Variants in DOCK1 observed in about 807,000 individuals in gnomAD.
DOCK1 encodes dedicator of cytokinesis 1.
A neutral mutation model predicts 262.7 loss-of-function variants in DOCK1; 138 were observed. The observed-to-expected ratio is 0.53, with a 90% confidence interval of 0.46 to 0.61. The LOEUF (loss-of-function observed/expected upper bound fraction) is 0.61, where lower values mean the gene tolerates loss of function less well. DOCK1 is among the 20% of genes least tolerant of loss of function. DOCK1 has a pLI of 0.00. For synonymous variants in DOCK1, 866 were observed against 867.4 expected, an observed-to-expected ratio of 1.00 and a Z score of 0.03; for missense variants, 1,908 against 2,370.7, an observed-to-expected ratio of 0.80 and a Z score of 4.05.
At chr10:127,200,150 A>G (rs1792646415) in intron 27 of DOCK1, among the ~76,000 whole-genome samples, 4 of 152,190 alleles carry the variant, frequency 2.6e-5, no homozygotes, top group Admixed American at 2.6e-4. Context: ...CCAGATCCCA[A>G]GAGAGGGTTC....
At chr10:127,217,003 T>C (rs752053384) in intron 27 of DOCK1, among the ~76,000 whole-genome samples, 3 of 152,174 alleles carry the variant, frequency 2.0e-5, no homozygotes, top group Admixed American at 6.5e-5. Context: ...GAGCCCTTGC[T>C]TTTTAGTTTC....
At chr10:127,362,861 C>T (rs1474068297) in intron 33 of DOCK1, among the ~76,000 whole-genome samples, 2 of 60,902 alleles carry the variant, frequency 3.3e-5, no homozygotes, top group African/African-American at 1.6e-4. Context: ...ACATGTACAT[C>T]CCCACACACA....
At chr10:127,210,518 C>A (rs575159766) in intron 27 of DOCK1, among the ~76,000 whole-genome samples, 2 of 152,330 alleles carry the variant, frequency 1.3e-5, no homozygotes, top group South Asian at 4.1e-4. Context: ...AGGAAATGCA[C>A]GTCTACCAGG....
At chr10:127,211,693 C>T (rs1211136152) in intron 27 of DOCK1, among the ~76,000 whole-genome samples, 1 of 152,142 alleles carries the variant, frequency 6.6e-6, no homozygotes, top group South Asian at 2.1e-4. Flanking sequence ...TTTTTCTAAA[C>T]ATACTGAAAA....
At chr10:127,238,143 G>A (rs534872421) in intron 27 of DOCK1, among the ~76,000 whole-genome samples, 70 of 152,260 alleles carry the variant, frequency 4.6e-4, no homozygotes, top group Non-Finnish European at 5.1e-4. Context: ...AATGATTCCC[G>A]AATAGAATGT....
intron 38 of DOCK1, among the ~76,000 whole-genome samples, chr10:127,401,424 A>G (rs1174405601): frequency 1.3e-5 from 2 of 152,216 alleles, no homozygotes; most frequent in Non-Finnish European, 2.9e-5. Flanking sequence ...ATGAAAAGAA[A>G]GTACACTTGG....
chr10:126,947,101 G>A (rs1338140192), intron 1 of DOCK1, among the ~76,000 whole-genome samples: 1 of 152,210 alleles, frequency 6.6e-6, no homozygotes. Context: ...CTCAGTCTTT[G>A]CGTGCAGAAA....
At chr10:127,257,250 G>T in intron 28 of DOCK1, 85 bp from the exon 29 acceptor site, 2 of 1,072,112 alleles carry the variant, frequency 1.9e-6, no homozygotes, top group Non-Finnish European at 1.4e-6. Context: ...TTAAAATGGG[G>T]TATTTTATAA....
At position 127,444,373 on chromosome 10, in the gene DOCK1, C is replaced by CT. The variant is rs1291623626; in HGVS notation, c.5413+96dup. 6 of 1,409,400 alleles carry CT rather than the reference C, an allele frequency of 4.3e-6. No homozygotes were observed. The Admixed American group carries it at 1.6e-4, about 38-fold the overall frequency. The allele number at this position is 1,409,400 out of a possible 1,614,324, so 87.3% of individuals were successfully genotyped here. A position where few individuals can be genotyped will look rare whatever the true frequency, so the allele number is the denominator to read the frequency against. ...AGGTTAGAAGCGCTTCCTCCCTCCC[C>CT]TTGCAGCAGAGGGTGGGAGTTTAGA... On this transcript the variant is annotated intron_variant, in intron 50 of 51. Coordinates refer to ENST00000623213, the MANE Select transcript of DOCK1 (RefSeq NM_001290223.2).
At chr10:127,204,647 A>G (rs2057630699) in intron 27 of DOCK1, among the ~76,000 whole-genome samples, 1 of 152,222 alleles carries the variant, frequency 6.6e-6, no homozygotes, top group Admixed American at 6.5e-5. Flanking sequence ...AAGGTGAAGT[A>G]GCTTTGTCCC....
At chr10:127,209,922 T>C (rs1391818030) in intron 27 of DOCK1, among the ~76,000 whole-genome samples, 1 of 152,142 alleles carries the variant, frequency 6.6e-6, no homozygotes, top group African/African-American at 2.4e-5. Flanking sequence ...ATAAACCTCA[T>C]TTTAATTTTA....
intron 1 of DOCK1, among the ~76,000 whole-genome samples, chr10:126,925,216 A>G (rs1157275111): frequency 2.6e-5 from 4 of 152,242 alleles, no homozygotes; most frequent in Non-Finnish European, 5.9e-5. Context: ...CAATAAGCCT[A>G]ACATACCATA....
chr10:127,316,966 C>T (rs2062309611), intron 29 of DOCK1, among the ~76,000 whole-genome samples: 1 of 152,126 alleles, frequency 6.6e-6, no homozygotes, highest in South Asian at 2.1e-4. Context: ...AAATAATTCA[C>T]CCCAAACTGT....
At chr10:127,448,688 T>A (rs2070754490) in intron 51 of DOCK1, among the ~76,000 whole-genome samples, 1 of 151,952 alleles carries the variant, frequency 6.6e-6, no homozygotes, top group South Asian at 2.1e-4. Flanking sequence ...GCTGGCCGTA[T>A]TTTTTTTGCT....
At chr10:127,090,392 A>T (rs556363078) in intron 23 of DOCK1, among the ~76,000 whole-genome samples, 2 of 152,142 alleles carry the variant, frequency 1.3e-5, no homozygotes, top group Non-Finnish European at 2.9e-5. Context: ...ACAGACGGTG[A>T]CTTGCTATCA....
At chr10:127,406,056 T>G (rs2067495362) in intron 40 of DOCK1, among the ~76,000 whole-genome samples, 1 of 152,170 alleles carries the variant, frequency 6.6e-6, no homozygotes, top group Non-Finnish European at 1.5e-5. Flanking sequence ...AATTCGAGTG[T>G]GTGTGTGCTC....
chr10:127,310,834 T>G (rs1179404092), intron 29 of DOCK1, among the ~76,000 whole-genome samples: 1 of 152,156 alleles, frequency 6.6e-6, no homozygotes, highest in Non-Finnish European at 1.5e-5. Context: ...GGAGACTGAT[T>G]TATCTCCTGT....
intron 32 of DOCK1, among the ~76,000 whole-genome samples, chr10:127,359,519 A>T (rs980641237): frequency 6.6e-6 from 1 of 152,212 alleles, no homozygotes; most frequent in African/African-American, 2.4e-5. Flanking sequence ...TTTTTTAGGC[A>T]TAATACAAGG....
At chr10:127,383,026 T>C (rs1252963818) in intron 37 of DOCK1, among the ~76,000 whole-genome samples, 1 of 152,230 alleles carries the variant, frequency 6.6e-6, no homozygotes, top group Admixed American at 6.5e-5. Flanking sequence ...TTTCTAAATA[T>C]GTTTTGATAT....
Sources: allele counts gnomAD v4.1 joint callset (sites outside exome capture counted in the v4.1 genomes callset), GRCh38; gene constraint gnomAD v4.1.1; transcripts MANE v1.5; gene names NCBI Gene and HGNC (gene_info 2026-07-23, HGNC 2026-07-21).